The following PRKN variants were observed in gnomAD, a reference collection of about 807,000 sequenced individuals.
PRKN encodes the protein parkin RBR E3 ubiquitin protein ligase, also known as E3 ubiquitin-protein ligase parkin.
In PRKN, 56 loss-of-function variants were observed where a neutral mutation model predicts 59.5. That is an observed-to-expected ratio of 0.94 (90% CI 0.76 to 1.18). PRKN has a LOEUF of 1.18. PRKN is among the 50% of genes most tolerant of loss of function. The probability of loss-of-function intolerance (pLI) is 0.00; values close to 1 mark genes in which losing one functional copy is unlikely to be tolerated. For missense variants in PRKN, 657 were observed against 596.4 expected (o/e 1.10, Z -1.06); for synonymous variants, 250 against 222.1 (o/e 1.13, Z -1.12).
chr6:162,369,063 T>C (rs935264121), intron 2 of PRKN, among the ~76,000 whole-genome samples: 1 of 152,090 alleles, frequency 6.6e-6, no homozygotes, highest in African/African-American at 2.4e-5. Flanking sequence ...TCACAGAAAA[T>C]GAAATAAAGC....
intron 1 of PRKN, among the ~76,000 whole-genome samples, chr6:162,586,276 T>C (rs148938536): frequency 1.8e-3 from 273 of 152,328 alleles, no homozygotes; most frequent in Non-Finnish European, 3.5e-3. Flanking sequence ...TAAAGCATTA[T>C]AAGTATCTAG....
intron 6 of PRKN, among the ~76,000 whole-genome samples, chr6:161,871,264 C>T (rs1168023065): frequency 6.6e-6 from 1 of 152,078 alleles, no homozygotes; most frequent in African/African-American, 2.4e-5. Flanking sequence ...GATGGTATCT[C>T]TTCCAGAGAC....
At chr6:162,258,977 CAT>C (rs1779770627) in intron 3 of PRKN, among the ~76,000 whole-genome samples, 1 of 152,130 alleles carries the variant, frequency 6.6e-6, no homozygotes, top group African/African-American at 2.4e-5. Context: ...GTTTCGACAA[CAT>C]ATGAGGCTAC....
intron 1 of PRKN, among the ~76,000 whole-genome samples, chr6:162,710,756 A>C (rs1184032026): frequency 6.6e-6 from 1 of 152,076 alleles, no homozygotes; most frequent in African/African-American, 2.4e-5. Context: ...GGAGCTACAA[A>C]GTACTTTAAA....
At chr6:161,815,485 G>A (rs1177907692) in intron 6 of PRKN, among the ~76,000 whole-genome samples, 1 of 152,182 alleles carries the variant, frequency 6.6e-6, no homozygotes, top group Non-Finnish European at 1.5e-5. Context: ...TTTCAAAAGT[G>A]CCTTATCAGA....
At chr6:162,415,708 T>G (rs1335225950) in intron 2 of PRKN, among the ~76,000 whole-genome samples, 4 of 152,012 alleles carry the variant, frequency 2.6e-5, no homozygotes, top group Non-Finnish European at 5.9e-5. Context: ...TCCCAGCTAC[T>G]TGGGAGGCTG....
At chr6:162,574,484 C>T (rs916202761) in intron 1 of PRKN, among the ~76,000 whole-genome samples, 3 of 152,230 alleles carry the variant, frequency 2.0e-5, no homozygotes, top group Middle Eastern at 3.4e-3. Flanking sequence ...ATGGATATTC[C>T]GGTTTTTATT....
chr6:162,133,136 C>A (rs1781437724), intron 4 of PRKN, among the ~76,000 whole-genome samples: 1 of 152,174 alleles, frequency 6.6e-6, no homozygotes, highest in African/African-American at 2.4e-5. Context: ...ATCACTCTGG[C>A]TGCTGTGTGA....
rs1230950594 is a variant in PRKN at position 161,391,418 on chromosome 6, A to C, written c.1084-4541T>G. Reference sequence around the variant, plus strand: ...TCTTGTGGTGGATCTAACAAATGTGATCCATTTCCGTAGAGTTGTTTTTTT... The same window carrying C: ...TCTTGTGGTGGATCTAACAAATGTGCTCCATTTCCGTAGAGTTGTTTTTTT... On this transcript the variant is annotated intron_variant, in intron 9 of 11. Coordinates refer to ENST00000366898, the MANE Select transcript of PRKN (RefSeq NM_004562.3). This position sits in a 1 kb window ranked among gnomAD's most constrained non-coding sequence, Gnocchi z 4.9. Among the ~76,000 whole-genome samples, 1 of 151,140 alleles carries C rather than the reference A, an allele frequency of 6.6e-6. No homozygotes were observed. The highest frequency in any genetic ancestry group is 1.5e-5 in the Non-Finnish European group (1 of 67,842).
intron 2 of PRKN, among the ~76,000 whole-genome samples, chr6:162,426,808 T>C (rs908548134): frequency 6.6e-6 from 1 of 152,192 alleles, no homozygotes; most frequent in Non-Finnish European, 1.5e-5. Flanking sequence ...GGCCACAACA[T>C]ATGAAAACTT....
intron 7 of PRKN, among the ~76,000 whole-genome samples, chr6:161,744,547 C>T (rs1788333956): frequency 1.3e-5 from 2 of 152,096 alleles, no homozygotes. Flanking sequence ...GCCCTAGAGA[C>T]TATATTAATG....
At chr6:161,510,584 C>A (rs1182000926) in intron 9 of PRKN, among the ~76,000 whole-genome samples, 15 of 152,168 alleles carry the variant, frequency 9.9e-5, no homozygotes, top group Non-Finnish European at 1.5e-5. Flanking sequence ...GGATAGAGTT[C>A]TGGGTATAGA....
chr6:162,635,928 A>G (rs141561590), intron 1 of PRKN, among the ~76,000 whole-genome samples: 269 of 152,272 alleles, frequency 1.8e-3, no homozygotes, highest in African/African-American at 6.3e-3. Flanking sequence ...AAGCCTCCCA[A>G]ATGAAAACCA....
intron 6 of PRKN, among the ~76,000 whole-genome samples, chr6:161,865,315 C>T (rs1794069899): frequency 6.6e-6 from 1 of 152,172 alleles, no homozygotes; most frequent in Admixed American, 6.5e-5. Flanking sequence ...TGGCCTAATT[C>T]TTAAGGGTCT....
chr6:161,709,890 A>G (rs894294097), intron 7 of PRKN, among the ~76,000 whole-genome samples: 11 of 152,182 alleles, frequency 7.2e-5, no homozygotes, highest in Non-Finnish European at 1.5e-4. Context: ...ATATAGCACA[A>G]TATAAATAAA....
chr6:162,506,296 G>GA (rs1435492839), intron 1 of PRKN, among the ~76,000 whole-genome samples: 1 of 138,656 alleles, frequency 7.2e-6, no homozygotes, highest in Admixed American at 7.2e-5. Flanking sequence ...GAGGTAGGAA[G>GA]AAAAAAGGAA....
chr6:162,611,827 C>A (rs1782164646), intron 1 of PRKN, among the ~76,000 whole-genome samples: 1 of 151,968 alleles, frequency 6.6e-6, no homozygotes, highest in Non-Finnish European at 1.5e-5. Context: ...TCTAAATGTG[C>A]AGAAAAAGAT....
At chr6:161,721,648 T>C (rs1052540176) in intron 7 of PRKN, among the ~76,000 whole-genome samples, 1 of 152,194 alleles carries the variant, frequency 6.6e-6, no homozygotes, top group African/African-American at 2.4e-5. Flanking sequence ...TTCAGGGCCC[T>C]CTTTGGTGGG....
intron 3 of PRKN, among the ~76,000 whole-genome samples, chr6:162,236,848 A>G (rs1461379614): frequency 6.6e-6 from 1 of 150,940 alleles, no homozygotes; most frequent in Non-Finnish European, 1.5e-5. Flanking sequence ...AAGAAAGGAG[A>G]GGAAGGAAGG....
Sources: gnomAD v4.1 joint callset for allele counts (sites outside exome capture counted in the v4.1 genomes callset) on GRCh38, gnomAD v4.1.1 for gene constraint, Gnocchi (gnomAD v3.1) non-coding constraint, MANE v1.5 for transcripts, NCBI Gene and HGNC (gene_info 2026-07-23, HGNC 2026-07-21) for gene names.